LDHB: variants seen among roughly 807,000 people sequenced by gnomAD.
LDHB encodes the protein L-lactate dehydrogenase B chain.
LDHB carries 18 observed loss-of-function variants against 33.4 expected under a neutral mutation model. The ratio of observed to expected loss-of-function variants is 0.54; its 90% CI spans 0.37 to 0.80. The LOEUF is 0.80. Ranked by LOEUF, LDHB falls within the 30% of genes least tolerant of loss-of-function variation. LDHB has a pLI of 0.00. For missense variants in LDHB, 345 were observed against 407.9 expected (o/e 0.85, Z 1.33); for synonymous variants, 121 against 140.6 (o/e 0.86, Z 0.98).
At chr12:21,646,156 C>T (rs893140444) in intron 3 of LDHB, among the ~76,000 whole-genome samples, 4 of 152,126 alleles carry the variant, frequency 2.6e-5, no homozygotes, top group Non-Finnish European at 5.9e-5. Flanking sequence ...AATTTTATAA[C>T]AGACTGAGGG....
intron 2 of LDHB, among the ~76,000 whole-genome samples, chr12:21,650,154 C>CACACACA (rs1565629939): frequency 7.1e-6 from 1 of 141,082 alleles, no homozygotes; most frequent in African/African-American, 2.8e-5. Flanking sequence ...ACACACACGT[C>CACACACA]TCTCTCTCCA....
rs761020554 is a variant in LDHB at position 21,642,080 on chromosome 12, T to C, written c.467A>G (p.Lys156Arg). The C allele has an allele frequency of 2.5e-6, 4 of 1,613,494 alleles. No homozygotes were observed. In the African/African-American group the frequency reaches 4.0e-5, roughly 16 times the overall value. ...ACATCCACTTCCAATCACGCGGTGT[T>C]TGGGTAATCCACTTAGTTTCCAGGT... ...YVTWKLSGLP[K>R]HRVIGSGCNL... is the part of the protein sequence containing the mutation. The change falls in exon 5 of 8, where the codon AAA (lysine) becomes AGA (arginine). Residue 156 changes from lysine to arginine, a missense_variant. By Grantham distance (26) the Lys-to-Arg change is conservative. Transcript: ENST00000350669.
chr12:21,639,970 A>C (rs1938325459), intron 5 of LDHB, among the ~76,000 whole-genome samples: 1 of 152,086 alleles, frequency 6.6e-6, no homozygotes. Flanking sequence ...TAAACCCTTT[A>C]CTAAAATTGC....
chr12:21,642,602 G>A (rs1181627368), intron 4 of LDHB, among the ~76,000 whole-genome samples: 1 of 152,146 alleles, frequency 6.6e-6, no homozygotes, highest in Non-Finnish European at 1.5e-5. Flanking sequence ...GTAAACAACT[G>A]TGATAATACG....
chr12:21,642,259 A>T, intron 4 of LDHB, 134 bp from the exon 5 acceptor site: 1 of 669,794 alleles, frequency 1.5e-6, no homozygotes, highest in Non-Finnish European at 2.7e-6. Flanking sequence ...GATTAAAGTA[A>T]ATACTTTAAC....
intron 2 of LDHB, among the ~76,000 whole-genome samples, chr12:21,652,383 C>A (rs911568144): frequency 6.6e-6 from 1 of 152,192 alleles, no homozygotes; most frequent in Non-Finnish European, 1.5e-5. Context: ...GCCATCTCAT[C>A]CAACAGCAAG....
intron 1 of LDHB, chr12:21,656,914 TC>T (rs1938863850): frequency 2.0e-5 from 3 of 152,180 alleles, no homozygotes; most frequent in Non-Finnish European, 4.4e-5. Flanking sequence ...GCAGAATCTT[TC>T]TCACCGTAAT....
intron 3 of LDHB, among the ~76,000 whole-genome samples, chr12:21,645,104 T>C (rs1218330913): frequency 2.0e-5 from 3 of 152,198 alleles, no homozygotes; most frequent in Admixed American, 6.5e-5. Context: ...AAACATGTGC[T>C]GTGTCAACTC....
Position 21,638,392 on chromosome 12 carries a change from C to T in LDHB, c.674G>A (p.Ser225Asn). 3 of 1,610,914 alleles carry T rather than the reference C, an allele frequency of 1.9e-6. No individual in the cohort carries two copies. Among genetic ancestry groups the T allele is most frequent in the Non-Finnish European group, 2.5e-6 (3 of 1,177,740 alleles). Reference sequence around the variant, plus strand: ...CTTATGCACTTCCTTCCAATTTTCACTATCATTGTCAGTTCCCATTTCTGG... The same window carrying T: ...CTTATGCACTTCCTTCCAATTTTCATTATCATTGTCAGTTCCCATTTCTGG... ...LNPEMGTDND[S>N]ENWKEVHKMV... The change falls in exon 6 of 8, where the codon AGT (serine) becomes AAT (asparagine). Residue 225 changes from serine (S) to asparagine (N), a missense_variant. By Grantham distance (46) the Ser-to-Asn change is conservative. Transcript: ENST00000350669.
chr12:21,645,789 G>A (rs897557964), intron 3 of LDHB, among the ~76,000 whole-genome samples: 5 of 151,980 alleles, frequency 3.3e-5, no homozygotes, highest in Admixed American at 6.6e-5. Context: ...TGGTGCCGGC[G>A]TGGGTCCTCC....
At chr12:21,649,769 T>C (rs530512690) in intron 2 of LDHB, among the ~76,000 whole-genome samples, 3 of 152,160 alleles carry the variant, frequency 2.0e-5, no homozygotes, top group Non-Finnish European at 4.4e-5. Context: ...CTACCACCAG[T>C]GCCTTAATAT....
intron 5 of LDHB, among the ~76,000 whole-genome samples, chr12:21,641,316 G>A (rs1198813475): frequency 6.6e-6 from 1 of 151,944 alleles, no homozygotes; most frequent in Admixed American, 6.6e-5. Context: ...AAAACTATAG[G>A]GTCATTTCTG....
chr12:21,654,466 T>C (rs1938780930), intron 2 of LDHB, 77 bp downstream of exon 2: 2 of 1,396,760 alleles, frequency 1.4e-6, no homozygotes, highest in Non-Finnish European at 2.0e-6. Flanking sequence ...AAAGATATAA[T>C]AAAATTCCAA....
chr12:21,643,722 G>A (rs565862066), intron 4 of LDHB: 1 of 544,660 alleles, frequency 1.8e-6, no homozygotes, highest in East Asian at 2.9e-5. Context: ...ACATGAAATT[G>A]CTTTAGCTAA....
chr12:21,657,305 A>G (rs1346037890), intron 1 of LDHB: 1 of 152,230 alleles, frequency 6.6e-6, no homozygotes, highest in African/African-American at 2.4e-5. Context: ...AGCGAGTGCA[A>G]GGGCATTTCT....
At chr12:21,642,931 A>G (rs753687571) in intron 4 of LDHB, among the ~76,000 whole-genome samples, 5 of 152,322 alleles carry the variant, frequency 3.3e-5, no homozygotes, top group Admixed American at 2.6e-4. Flanking sequence ...CTGTGAAGCT[A>G]TATGTAGAAA....
In LDHB at chr12:21,646,936, G is replaced by T. The variant is rs1938542112; in HGVS notation, c.210C>A (p.Ser70Arg). ...CAATTTTAGGTGTCTGAAGAAATAAGCTCCCATGCTGCAGATCCATCATTT... is the reference window on the plus strand; with the variant it reads ...CAATTTTAGGTGTCTGAAGAAATAATCTCCCATGCTGCAGATCCATCATTT... The part of the protein sequence containing the change: ...KGEMMDLQHG[S>R]LFLQTPKIVA... The change falls in exon 3 of 8, where the codon AGC becomes AGA. Residue 70 changes from serine (S) to arginine (R), a missense_variant. Coordinates refer to ENST00000350669, the MANE Select transcript of LDHB (RefSeq NM_002300.8). 1 of 1,612,630 alleles carries T rather than the reference G, an allele frequency of 6.2e-7. No homozygotes were observed. Among genetic ancestry groups the T allele is most frequent in the Non-Finnish European group, 8.5e-7 (1 of 1,178,776 alleles).
At chr12:21,644,350 T>C (rs1938455004) in intron 3 of LDHB, among the ~76,000 whole-genome samples, 1 of 142,732 alleles carries the variant, frequency 7.0e-6, no homozygotes. Context: ...CCCGAAAGTA[T>C]GTTTTTGGCT....
intron 2 of LDHB, among the ~76,000 whole-genome samples, chr12:21,648,774 G>C (rs1938599094): frequency 6.6e-6 from 1 of 152,210 alleles, no homozygotes; most frequent in African/African-American, 2.4e-5. Flanking sequence ...TGGCTGCCTG[G>C]TCTCATGAAG....
Sources: gnomAD v4.1 joint callset for allele counts (sites outside exome capture counted in the v4.1 genomes callset) on GRCh38, gnomAD v4.1.1 for gene constraint, MANE v1.5 for transcripts, NCBI Gene and HGNC (gene_info 2026-07-23, HGNC 2026-07-21) for gene names.